The following ANKRD36 variants were observed in gnomAD, a reference collection of about 807,000 sequenced individuals.
The protein encoded by ANKRD36 is ankyrin repeat domain-containing protein 36A.
ANKRD36 carries 179 observed loss-of-function variants against 278.1 expected under a neutral mutation model. The ratio of observed to expected loss-of-function variants is 0.64; its 90% CI spans 0.57 to 0.73. The LOEUF is 0.73. Among genes scored for constraint, ANKRD36 ranks in the 30% least tolerant of loss-of-function variants. ANKRD36 has a pLI of 0.00. For synonymous variants in ANKRD36, 320 were observed against 641.1 expected (o/e 0.50, Z 7.57); for missense variants, 1,159 against 1,956.7 (o/e 0.59, Z 7.69).
chr2:97,185,250 C>T (rs532734479), intron 28 of ANKRD36, 66 bp from the exon 29 acceptor site: 1 of 1,557,810 alleles, frequency 6.4e-7, no homozygotes, highest in African/African-American at 1.3e-5. Context: ...GCTAACACTT[C>T]ATGAATGTAT....
chr2:97,175,007 G>A (rs2053812192), intron 22 of ANKRD36, among the ~76,000 whole-genome samples: 2 of 143,974 alleles, frequency 1.4e-5, no homozygotes, highest in East Asian at 2.0e-4. Flanking sequence ...GCTTTTTGAT[G>A]TGCTGCTGGA....
At chr2:97,203,817 GT>G (rs1373441470) in intron 48 of ANKRD36, among the ~76,000 whole-genome samples, 1 of 151,724 alleles carries the variant, frequency 6.6e-6, no homozygotes, top group Non-Finnish European at 1.5e-5. Flanking sequence ...TATTGACACG[GT>G]TTTATTTTAG....
At position 97,220,051 on chromosome 2, in the gene ANKRD36, CTGTG is replaced by C. The variant is rs71274689; in HGVS notation, c.3877+837_3877+840del. On this transcript the variant is annotated intron_variant, in intron 66 of 75. Transcript: ENST00000420699. Reference sequence around the variant, plus strand: ...CCAATCGGATGTTCTGATTAGCACACTGTGTGTGTGTGTGTGTGTGTGTGTGTGT... The same window carrying C: ...CCAATCGGATGTTCTGATTAGCACACTGTGTGTGTGTGTGTGTGTGTGTGT... Among the ~76,000 whole-genome samples, 977 of 111,196 alleles carry C rather than the reference CTGTG, an allele frequency of 8.8e-3. 10 individuals carry two copies. The highest frequency in any genetic ancestry group is 0.025 in the East Asian group (75 of 3,008). The allele number at this position is 111,196 out of a possible 152,430, so 72.9% of individuals were successfully genotyped here.
At chr2:97,120,606 T>C (rs2036541114) in intron 3 of ANKRD36, among the ~76,000 whole-genome samples, 1 of 151,958 alleles carries the variant, frequency 6.6e-6, no homozygotes, top group African/African-American at 2.4e-5. Context: ...TATAAATGAA[T>C]GAATGTTGTA....
At chr2:97,210,020 G>A (rs2063972902) in intron 56 of ANKRD36, 148 bp downstream of exon 56, 5 of 1,330,966 alleles carry the variant, frequency 3.8e-6, no homozygotes, top group Middle Eastern at 2.8e-4. Context: ...TTCTTGTGTG[G>A]TGCTGATGCT....
chr2:97,162,245 A>C lies in ANKRD36; in HGVS notation c.1429+107A>C, dbSNP rs570020470. ...GTGAGGTAGTGAATATAGCTGAATA[A>C]TTTTCTATGCTTTAATATAATTTTT... is the stretch of plus-strand genomic sequence containing the variant. On this transcript the variant is annotated intron_variant, in intron 18 of 75. Transcript: ENST00000420699. 51 of 712,632 alleles carry C rather than the reference A, an allele frequency of 7.2e-5. No individual in the cohort carries two copies. The African/African-American group carries it at 8.2e-4, about 11-fold the overall frequency. The allele number at this position is 712,632 out of a possible 1,614,324, so 44.1% of individuals were successfully genotyped here.
chr2:97,113,918 A>G lies in ANKRD36; in HGVS notation c.179A>G (p.Lys60Arg), dbSNP rs1436210037. The G allele has an allele frequency of 6.2e-7, 1 of 1,612,608 alleles. No individual in the cohort carries two copies. Among genetic ancestry groups the G allele is most frequent in the African/African-American group, 1.3e-5 (1 of 74,844 alleles). The change falls in exon 1 of 76, where the codon AAG becomes AGG. Residue 60 changes from lysine (K) to arginine (R), a missense_variant. By Grantham distance (26) the Lys-to-Arg change is conservative. Transcript: ENST00000420699. ...CTGCTCACGTATTATGACGCCAATA[A>G]GAGAGACAGGAAGGAAAGGTAATGG... ...YLLLTYYDAN[K>R]RDRKERTALH...
intron 46 of ANKRD36, among the ~76,000 whole-genome samples, chr2:97,201,759 T>C (rs1233232285): frequency 3.9e-5 from 6 of 151,906 alleles, no homozygotes; most frequent in African/African-American, 7.2e-5. Context: ...TTCTCAGTTA[T>C]TGGGCATGTT....
chr2:97,172,830 A>ATT (rs1553620743), intron 22 of ANKRD36, among the ~76,000 whole-genome samples: 2 of 99,370 alleles, frequency 2.0e-5, no homozygotes, highest in Admixed American at 1.0e-4. Context: ...TTTGTGTGTG[A>ATT]ATGTGTGTGT....
chr2:97,206,013 C>T (rs531772118), intron 51 of ANKRD36, 45 bp downstream of exon 51: 1 of 1,543,810 alleles, frequency 6.5e-7, no homozygotes, highest in African/African-American at 1.4e-5. Context: ...AATATATGGT[C>T]TATGAAACAT....
chr2:97,199,009 C>A (rs1252220943), intron 44 of ANKRD36, among the ~76,000 whole-genome samples: 1 of 151,884 alleles, frequency 6.6e-6, no homozygotes, highest in Non-Finnish European at 1.5e-5. Context: ...CACACTTCAG[C>A]TCGCACTGCC....
At chr2:97,177,259 A>T (rs1278786108) in intron 22 of ANKRD36, among the ~76,000 whole-genome samples, 1 of 151,930 alleles carries the variant, frequency 6.6e-6, no homozygotes, top group Non-Finnish European at 1.5e-5. Flanking sequence ...TGCCCAAGGT[A>T]ATTTACAGAT....
chr2:97,229,833 G>A (rs1373622418), intron 67 of ANKRD36, among the ~76,000 whole-genome samples: 1 of 152,034 alleles, frequency 6.6e-6, no homozygotes, highest in East Asian at 2.0e-4. Flanking sequence ...GGCAAGCCTG[G>A]TGGTGACAAA....
chr2:97,197,055 G>T (rs1333278808), intron 42 of ANKRD36, among the ~76,000 whole-genome samples: 1 of 151,920 alleles, frequency 6.6e-6, no homozygotes, highest in South Asian at 2.1e-4. Context: ...CTGGGGAACA[G>T]CATAGTTTTG....
rs1156981664 is a variant in ANKRD36 at position 97,211,655 on chromosome 2, C to A, written c.3397-14C>A. 1 of 1,593,618 alleles carries A rather than the reference C, an allele frequency of 6.3e-7. No individual in the cohort carries two copies. The highest frequency in any genetic ancestry group is 8.5e-7 in the Non-Finnish European group (1 of 1,171,508). On this transcript the variant is annotated splice_polypyrimidine_tract_variant and intron_variant, in intron 57 of 75. Transcript: ENST00000420699. Reference sequence around the variant, plus strand: ...ACTTTATTTATTGACTGTTTTGTTTCAAATTCTATTCAGGCTATCTGTGAC... The same window carrying A: ...ACTTTATTTATTGACTGTTTTGTTTAAAATTCTATTCAGGCTATCTGTGAC...
intron 6 of ANKRD36, among the ~76,000 whole-genome samples, chr2:97,133,745 T>G (rs2040755031): frequency 6.6e-6 from 1 of 152,062 alleles, no homozygotes; most frequent in Non-Finnish European, 1.5e-5. Context: ...TGAAAATCTT[T>G]TTAAAAAATT....
intron 22 of ANKRD36, among the ~76,000 whole-genome samples, chr2:97,171,175 AT>A (rs1339291863): frequency 8.4e-6 from 1 of 119,142 alleles, no homozygotes; most frequent in Non-Finnish European, 1.7e-5. Context: ...TAGAAATACC[AT>A]TTGACCCAGC....
Position 97,164,451 on chromosome 2 carries a change from T to C in ANKRD36, c.1513T>C (p.Ser505Pro), listed in dbSNP as rs748293721. The change falls in exon 20 of 76, where the codon TCA becomes CCA. Residue 505 changes from serine (S) to proline (P), a missense_variant. Physicochemically the swap from Ser to Pro is moderately conservative, Grantham distance 74. Coordinates refer to ENST00000420699, the MANE Select transcript of ANKRD36 (RefSeq NM_001354587.1). ...AACTAGATTCTTAGGAGGTATGGAT[T>C]CACTAACTTCCAGTGAAGGTAAATT... ...ISTRFLGGMD[S>P]LTSSEESSER... The C allele has an allele frequency of 6.5e-7, 1 of 1,537,150 alleles. No homozygotes were observed. Among genetic ancestry groups the C allele is most frequent in the South Asian group, 1.2e-5 (1 of 83,988 alleles).
In ANKRD36 at chr2:97,202,526, GTAAGT is replaced by G. The variant is rs1381223747; in HGVS notation, c.2959+135_2959+139del. On this transcript the variant is annotated intron_variant, in intron 48 of 75. Coordinates refer to ENST00000420699, the MANE Select transcript of ANKRD36 (RefSeq NM_001354587.1). ...GCAGGCTGGAGATTCTTCATTTGTA[GTAAGT>G]TCTTGGGTGATGCTGATGCTGCTGG... The G allele has an allele frequency of 4.3e-6, 6 of 1,407,052 alleles. No homozygotes were observed. The East Asian group carries it at 1.5e-4, about 36-fold the overall frequency. 87.2% of individuals were successfully genotyped at this position (1,407,052 alleles called of 1,614,324 possible).
Sources: gnomAD v4.1 joint callset for allele counts (sites outside exome capture counted in the v4.1 genomes callset) on GRCh38, gnomAD v4.1.1 for gene constraint, MANE v1.5 for transcripts, NCBI Gene and HGNC (gene_info 2026-07-23, HGNC 2026-07-21) for gene names.